Variants in THEMIS observed in about 807,000 individuals in gnomAD.
THEMIS encodes the protein thymocyte selection associated.
THEMIS carries 37 observed loss-of-function variants against 52.6 expected under a neutral mutation model. That is an observed-to-expected ratio of 0.70 (90% CI 0.54 to 0.93). THEMIS has a LOEUF of 0.93. THEMIS is among the 40% of genes least tolerant of loss of function. The pLI, the probability that THEMIS is intolerant of heterozygous loss-of-function variation, is 0.00. For missense variants in THEMIS, 808 were observed against 763.1 expected (o/e 1.06, Z -0.69); for synonymous variants, 292 against 272.7 (o/e 1.07, Z -0.70).
intron 1 of THEMIS, among the ~76,000 whole-genome samples, chr6:127,869,242 A>G (rs1208585983): frequency 6.6e-6 from 1 of 152,214 alleles, no homozygotes; most frequent in Non-Finnish European, 1.5e-5. Context: ...TAAGTTGAAA[A>G]TGCACTTAAT....
At chr6:127,732,020 C>T in intron 4 of THEMIS, among the ~76,000 whole-genome samples, 1 of 149,182 alleles carries the variant, frequency 6.7e-6, no homozygotes. Flanking sequence ...TTTTTTTTAA[C>T]TCGTAAGAGT....
intron 4 of THEMIS, among the ~76,000 whole-genome samples, chr6:127,805,976 A>G (rs1408721543): frequency 6.6e-6 from 1 of 151,970 alleles, no homozygotes; most frequent in African/African-American, 2.4e-5. Context: ...TTTTTTTTAA[A>G]GAAAAACTGA....
At chr6:127,841,150 C>G (rs1182701649) in intron 2 of THEMIS, among the ~76,000 whole-genome samples, 1 of 151,906 alleles carries the variant, frequency 6.6e-6, no homozygotes, top group Admixed American at 6.6e-5. Flanking sequence ...ACAAATGTAC[C>G]ACTCTAGTGT....
intron 4 of THEMIS, among the ~76,000 whole-genome samples, chr6:127,806,483 A>G (rs541523057): frequency 6.6e-6 from 1 of 152,270 alleles, no homozygotes; most frequent in Non-Finnish European, 1.5e-5. Context: ...AAGTTCAGAG[A>G]GGGCCAAAAT....
intron 4 of THEMIS, among the ~76,000 whole-genome samples, chr6:127,759,371 A>G (rs1389172503): frequency 1.3e-5 from 2 of 152,150 alleles, no homozygotes; most frequent in Non-Finnish European, 2.9e-5. Flanking sequence ...CTCTTCCCTA[A>G]TCACTGGACT....
At chr6:127,837,335 G>GC (rs899153769) in intron 2 of THEMIS, among the ~76,000 whole-genome samples, 98 of 151,834 alleles carry the variant, frequency 6.5e-4, no homozygotes, top group Admixed American at 2.0e-3. Flanking sequence ...AAACAGAGGA[G>GC]CCCCCCCAAA....
At chr6:127,703,035 G>GGTTTTTT in the THEMIS span, among the ~76,000 whole-genome samples, 1,354 of 82,372 alleles carry the variant, frequency 0.016, 260 homozygotes, top group Non-Finnish European at 0.023. Context: ...TTTAGAATGA[G>GGTTTTTT]TTTTTTTTTT....
chr6:127,822,930 G>C (rs1170027124), intron 3 of THEMIS, among the ~76,000 whole-genome samples: 1 of 152,034 alleles, frequency 6.6e-6, no homozygotes, highest in Non-Finnish European at 1.5e-5. Context: ...TACAGATTTA[G>C]ATCTTTTCAA....
intron 1 of THEMIS, among the ~76,000 whole-genome samples, chr6:127,916,121 A>G (rs909646742): frequency 6.6e-6 from 1 of 152,050 alleles, no homozygotes; most frequent in African/African-American, 2.4e-5. Context: ...TGTTTAATTA[A>G]AAATATGATT....
At chr6:127,793,232 A>G (rs1777216786) in intron 4 of THEMIS, among the ~76,000 whole-genome samples, 1 of 152,240 alleles carries the variant, frequency 6.6e-6, no homozygotes, top group South Asian at 2.1e-4. Flanking sequence ...AAACATTGGG[A>G]CGGATTTGGC....
chr6:127,829,962 A>G, intron 2 of THEMIS, 28 bp from the exon 3 acceptor site: 2 of 1,531,272 alleles, frequency 1.3e-6, no homozygotes, highest in Non-Finnish European at 1.8e-6. Context: ...TGAATTAAAA[A>G]GAGAGTTCTT....
intron 2 of THEMIS, among the ~76,000 whole-genome samples, chr6:127,847,376 T>C (rs1287978878): frequency 6.6e-6 from 1 of 151,916 alleles, no homozygotes; most frequent in Admixed American, 6.6e-5. Flanking sequence ...ATCGTACATC[T>C]AGAAAAACCT....
intron 4 of THEMIS, among the ~76,000 whole-genome samples, chr6:127,775,532 C>T (rs1187396808): frequency 2.6e-5 from 4 of 152,080 alleles, no homozygotes; most frequent in Admixed American, 2.0e-4. Flanking sequence ...ACAACCATAG[C>T]TTTGGTTTGA....
intron 3 of THEMIS, among the ~76,000 whole-genome samples, chr6:127,818,067 G>A (rs1444703464): frequency 6.6e-6 from 1 of 152,126 alleles, no homozygotes; most frequent in Non-Finnish European, 1.5e-5. Context: ...CTATCATGGG[G>A]GAAGGGAATT....
At chr6:127,748,944 C>A (rs1051635524) in intron 4 of THEMIS, among the ~76,000 whole-genome samples, 2 of 152,022 alleles carry the variant, frequency 1.3e-5, no homozygotes, top group Admixed American at 6.6e-5. Flanking sequence ...CCATTCTGAA[C>A]TTTTATTGAT....
chr6:127,724,838 T>C (rs1467514426), intron 4 of THEMIS, among the ~76,000 whole-genome samples: 2 of 152,074 alleles, frequency 1.3e-5, no homozygotes, highest in African/African-American at 4.8e-5. Flanking sequence ...TTAACCAAGA[T>C]GTCCACAAAA....
chr6:127,874,659 C>T (rs1780260759), intron 1 of THEMIS, among the ~76,000 whole-genome samples: 1 of 152,170 alleles, frequency 6.6e-6, no homozygotes, highest in African/African-American at 2.4e-5. Flanking sequence ...GTGTACTAAA[C>T]TTCACATTAT....
chr6:127,836,932 GC>G (rs992029780), intron 2 of THEMIS, among the ~76,000 whole-genome samples: 3 of 152,236 alleles, frequency 2.0e-5, no homozygotes, highest in African/African-American at 7.2e-5. Flanking sequence ...GGGGTCTCGT[GC>G]AAGTAACTCC....
chr6:127,839,859 T>G (rs7738306), intron 2 of THEMIS, among the ~76,000 whole-genome samples: 65,913 of 151,886 alleles, frequency 0.43, 15,049 homozygotes, highest in African/African-American at 0.56. Flanking sequence ...GTTGACAGTG[T>G]GACCCTCTGC....
Sources: gnomAD v4.1 joint callset for allele counts (sites outside exome capture counted in the v4.1 genomes callset) on GRCh38, gnomAD v4.1.1 for gene constraint, MANE v1.5 for transcripts, NCBI Gene and HGNC (gene_info 2026-07-23, HGNC 2026-07-21) for gene names.